The following TMEM156 variants were observed in gnomAD, a reference collection of about 807,000 sequenced individuals.
TMEM156 encodes transmembrane protein 156.
A neutral mutation model predicts 30.5 loss-of-function variants in TMEM156; 28 were observed. That is an observed-to-expected ratio of 0.92 (90% CI 0.68 to 1.26). TMEM156 has a LOEUF of 1.26. TMEM156 is among the 50% of genes most tolerant of loss of function. TMEM156 has a pLI of 0.00. For synonymous variants in TMEM156, 137 were observed against 119.9 expected (o/e 1.14, Z -0.93); for missense variants, 351 against 340.6 (o/e 1.03, Z -0.24).
At chr4:38,987,255 T>C (rs1021941467) in intron 4 of TMEM156, among the ~76,000 whole-genome samples, 1 of 152,256 alleles carries the variant, frequency 6.6e-6, no homozygotes, top group Non-Finnish European at 1.5e-5. Flanking sequence ...TCTGACATTT[T>C]ACTAGCTGTG....
intron 1 of TMEM156, among the ~76,000 whole-genome samples, chr4:39,029,706 T>A (rs1577596568): frequency 1.3e-4 from 1 of 7,908 alleles, no homozygotes; most frequent in African/African-American, 1.5e-3. Context: ...AGAGCGAGAC[T>A]CCGTCTCAAA....
intron 5 of TMEM156, among the ~76,000 whole-genome samples, chr4:38,975,366 TC>T: frequency 6.7e-6 from 1 of 148,826 alleles, no homozygotes; most frequent in South Asian, 2.1e-4. Context: ...TGATTTTTTT[TC>T]TTTTCTTTTT....
intron 1 of TMEM156, among the ~76,000 whole-genome samples, chr4:39,014,460 A>G (rs1714347289): frequency 6.6e-6 from 1 of 152,146 alleles, no homozygotes; most frequent in Admixed American, 6.6e-5. Context: ...TCACATCCCT[A>G]TGCAAAAATC....
intron 1 of TMEM156, among the ~76,000 whole-genome samples, chr4:39,030,179 T>TA (rs5857658): frequency 0.71 from 101,601 of 143,998 alleles, 35,834 homozygotes; most frequent in African/African-American, 0.8. Context: ...CCCTGTCTCT[T>TA]AAAAAAAAAA....
intron 6 of TMEM156, among the ~76,000 whole-genome samples, chr4:38,968,884 C>T (rs1722466359): frequency 6.6e-6 from 1 of 152,144 alleles, no homozygotes; most frequent in Non-Finnish European, 1.5e-5. Context: ...CCCTGGGAGG[C>T]CAACTTACAT....
chr4:38,991,954 C>T (rs1429984138), intron 3 of TMEM156, among the ~76,000 whole-genome samples: 1 of 152,136 alleles, frequency 6.6e-6, no homozygotes, highest in East Asian at 1.9e-4. Context: ...ATAGCCCCCA[C>T]TCATGCACAC....
chr4:38,984,844 G>A (rs1560360717), intron 5 of TMEM156, among the ~76,000 whole-genome samples: 2 of 152,164 alleles, frequency 1.3e-5, no homozygotes, highest in Non-Finnish European at 2.9e-5. Flanking sequence ...TAAAGCCAGA[G>A]GATTTTTAGT....
At chr4:38,976,025 G>C (rs571131427) in intron 5 of TMEM156, among the ~76,000 whole-genome samples, 1 of 151,808 alleles carries the variant, frequency 6.6e-6, no homozygotes, top group Non-Finnish European at 1.5e-5. Flanking sequence ...AGTGGCTCAC[G>C]ACTGTAATCC....
intron 4 of TMEM156, 45 bp downstream of exon 4, chr4:38,988,806 T>C (rs1712197771): frequency 1.2e-6 from 2 of 1,610,894 alleles, no homozygotes; most frequent in African/African-American, 1.3e-5. Flanking sequence ...ATGAAATCCA[T>C]AGAAGAGATC....
At chr4:38,983,718 T>G (rs547073883) in intron 5 of TMEM156, among the ~76,000 whole-genome samples, 76 of 152,324 alleles carry the variant, frequency 5.0e-4, no homozygotes, top group African/African-American at 1.8e-3. Context: ...CTTTTGCATG[T>G]TTTTCAAAAT....
chr4:38,989,034 G>A, intron 3 of TMEM156, 64 bp from the exon 4 acceptor site: 1 of 1,531,956 alleles, frequency 6.5e-7, no homozygotes, highest in Non-Finnish European at 8.9e-7. Flanking sequence ...AGGCAATGTG[G>A]CAGTGTAGCT....
At chr4:39,003,183 A>G (rs1713498982) in intron 1 of TMEM156, among the ~76,000 whole-genome samples, 1 of 152,096 alleles carries the variant, frequency 6.6e-6, no homozygotes, top group African/African-American at 2.4e-5. Context: ...TAAGTGTTGA[A>G]TCACTGGTGA....
At chr4:38,967,787 C>T (rs1243118163) in intron 6 of TMEM156, 146 bp from the exon 7 acceptor site, 3 of 152,236 alleles carry the variant, frequency 2.0e-5, no homozygotes, top group African/African-American at 7.2e-5. Flanking sequence ...TCTCAAGTCT[C>T]TGATTCAGGG....
chr4:39,025,331 GAGCA>G (rs1715133554), intron 1 of TMEM156, among the ~76,000 whole-genome samples: 1 of 111,234 alleles, frequency 9.0e-6, no homozygotes, highest in Admixed American at 1.4e-4. Flanking sequence ...CTGGGTGACA[GAGCA>G]AGACTGTCTC....
At chr4:38,997,412 A>C (rs28701857) in intron 2 of TMEM156, among the ~76,000 whole-genome samples, 75,610 of 151,990 alleles carry the variant, frequency 0.5, 18,879 homozygotes, top group East Asian at 0.68. Flanking sequence ...GCACATGTAC[A>C]CCCTGAATCT....
At chr4:39,000,379 G>A (rs545009009) in intron 1 of TMEM156, among the ~76,000 whole-genome samples, 126 of 152,226 alleles carry the variant, frequency 8.3e-4, no homozygotes, top group African/African-American at 2.9e-3. Flanking sequence ...GCAACAAAGG[G>A]AGACCATGTC....
intron 1 of TMEM156, among the ~76,000 whole-genome samples, chr4:39,026,377 A>AGC (rs57815140): frequency 6.6e-6 from 1 of 151,244 alleles, no homozygotes. Flanking sequence ...AAAATTAAAA[A>AGC]AAAAAGAGAT....
chr4:38,984,619 G>T (rs771195597), intron 5 of TMEM156, among the ~76,000 whole-genome samples: 13 of 152,082 alleles, frequency 8.5e-5, no homozygotes, highest in Admixed American at 2.0e-4. Context: ...CTTAAAAACT[G>T]CACTCAAGGG....
At chr4:39,024,224 T>C (rs2711970) in intron 1 of TMEM156, among the ~76,000 whole-genome samples, 107,192 of 152,080 alleles carry the variant, frequency 0.7, 38,102 homozygotes, top group African/African-American at 0.79. Flanking sequence ...TTAGTAGAGA[T>C]GTGGTTTCAC....
Sources: allele counts gnomAD v4.1 joint callset (sites outside exome capture counted in the v4.1 genomes callset), GRCh38; gene constraint gnomAD v4.1.1; transcripts MANE v1.5; gene names NCBI Gene and HGNC (gene_info 2026-07-23, HGNC 2026-07-21).